Variants in DLG1 observed in about 807,000 individuals in gnomAD.
DLG1 encodes discs large MAGUK scaffold protein 1.
A neutral mutation model predicts 123.4 loss-of-function variants in DLG1; 42 were observed. The ratio of observed to expected loss-of-function variants is 0.34; its 90% CI spans 0.27 to 0.44. The LOEUF is 0.44. Ranked by LOEUF, DLG1 falls within the 20% of genes least tolerant of loss-of-function variation. The probability of loss-of-function intolerance (pLI) is 1.00; values close to 1 mark genes in which losing one functional copy is unlikely to be tolerated. For missense variants in DLG1, 942 were observed against 1,082.6 expected, an observed-to-expected ratio of 0.87 and a Z score of 1.82; for synonymous variants, 317 against 356.2, an observed-to-expected ratio of 0.89 and a Z score of 1.24.
intron 4 of DLG1, among the ~76,000 whole-genome samples, chr3:197,199,008 C>T (rs1032413274): frequency 2.0e-5 from 3 of 152,088 alleles, no homozygotes; most frequent in South Asian, 2.1e-4. Context: ...CACAACTCTG[C>T]GCACATAACC....
At chr3:197,055,134 T>C (rs1234895024) in intron 23 of DLG1, among the ~76,000 whole-genome samples, 2 of 152,112 alleles carry the variant, frequency 1.3e-5, no homozygotes, top group African/African-American at 2.4e-5. Context: ...TTACCTTTTA[T>C]AGAGGCAAGG....
intron 6 of DLG1, among the ~76,000 whole-genome samples, chr3:197,145,130 T>G (rs1210392770): frequency 6.6e-6 from 1 of 152,054 alleles, no homozygotes; most frequent in Non-Finnish European, 1.5e-5. Context: ...AGAGCTGTGT[T>G]GATCATGTCT....
chr3:197,225,383 T>C lies in DLG1; in HGVS notation c.319-30794A>G, dbSNP rs73210550. Among the ~76,000 whole-genome samples the C allele has an allele frequency of 4.6e-5, 7 of 152,268 alleles. No homozygotes were observed. The South Asian group carries it at 1.2e-3, about 27-fold the overall frequency. ...TTATAGGAAATGAGTAGTAAAGTCATGGTTCTTTTGGTGTTTATTTTGTTC... is the reference window on the plus strand; with the variant it reads ...TTATAGGAAATGAGTAGTAAAGTCACGGTTCTTTTGGTGTTTATTTTGTTC... On this transcript the variant is annotated intron_variant, in intron 4 of 24. Transcript: ENST00000667157.
chr3:197,116,975 GA>G (rs1219177033), intron 12 of DLG1, among the ~76,000 whole-genome samples: 1 of 152,070 alleles, frequency 6.6e-6, no homozygotes, highest in Admixed American at 6.6e-5. Flanking sequence ...GTATGAATTA[GA>G]ATTTTATATT....
chr3:197,161,843 C>A, intron 5 of DLG1: 1 of 676,038 alleles, frequency 1.5e-6, no homozygotes, highest in East Asian at 3.2e-5. Flanking sequence ...TCAGAAATAA[C>A]TATGCAACAG....
At chr3:197,141,136 A>T (rs3821713) in intron 7 of DLG1, among the ~76,000 whole-genome samples, 1 of 152,128 alleles carries the variant, frequency 6.6e-6, no homozygotes, top group African/African-American at 2.4e-5. Context: ...TTTAACTGTT[A>T]GTATTAAACA....
At position 197,107,272 on chromosome 3, in the gene DLG1, T is replaced by C. The variant is rs188542104; in HGVS notation, c.1444-2267A>G. ...TAAAAATGGATATACTGGCCAGGTGTGGTGGCTCACGCCTGTAATCCCAGC... is the reference window on the plus strand; with the variant it reads ...TAAAAATGGATATACTGGCCAGGTGCGGTGGCTCACGCCTGTAATCCCAGC... On this transcript the variant is annotated intron_variant, in intron 13 of 24. Coordinates refer to ENST00000667157, the MANE Select transcript of DLG1 (RefSeq NM_001366207.1). Among the ~76,000 whole-genome samples, 261 of 152,126 alleles carry C rather than the reference T, an allele frequency of 1.7e-3. 1 individual carries two copies. The highest frequency in any genetic ancestry group is 2.5e-3 in the Admixed American group (38 of 15,274).
At chr3:197,055,472 C>T (rs546785179) in intron 23 of DLG1, among the ~76,000 whole-genome samples, 3 of 152,226 alleles carry the variant, frequency 2.0e-5, no homozygotes, top group East Asian at 1.9e-4. Context: ...CTCTGGAGAA[C>T]GAATTCTCTT....
chr3:197,136,404 G>C (rs1785077758), intron 10 of DLG1, 138 bp downstream of exon 10: 1 of 610,274 alleles, frequency 1.6e-6, no homozygotes, highest in Admixed American at 3.4e-5. Context: ...TCATTTTTTA[G>C]GATTTGATAC....
At chr3:197,191,220 T>G (rs1388874533) in intron 5 of DLG1, among the ~76,000 whole-genome samples, 4 of 152,222 alleles carry the variant, frequency 2.6e-5, no homozygotes, top group Admixed American at 6.5e-5. Flanking sequence ...AATACACCCT[T>G]GCATAAGGGA....
intron 10 of DLG1, chr3:197,136,279 A>T: frequency 3.1e-6 from 1 of 322,756 alleles, no homozygotes; most frequent in Non-Finnish European, 5.7e-6. Context: ...AAACCTAAGG[A>T]TTATGATGAA....
intron 3 of DLG1, among the ~76,000 whole-genome samples, chr3:197,295,618 T>C (rs952674060): frequency 6.6e-6 from 1 of 152,128 alleles, no homozygotes; most frequent in Non-Finnish European, 1.5e-5. Flanking sequence ...ATACACAAAA[T>C]ATGAGATGAT....
At chr3:197,132,983 T>C (rs1783418762) in intron 10 of DLG1, among the ~76,000 whole-genome samples, 1 of 139,474 alleles carries the variant, frequency 7.2e-6, no homozygotes, top group African/African-American at 2.7e-5. Context: ...ATTAAATAGC[T>C]GTGGTATACT....
At chr3:197,233,102 G>A (rs1417928209) in intron 4 of DLG1, among the ~76,000 whole-genome samples, 1 of 151,814 alleles carries the variant, frequency 6.6e-6, no homozygotes, top group East Asian at 1.9e-4. Context: ...TAAAACTGCA[G>A]GATACAAGAG....
At chr3:197,219,201 C>T (rs1007609403) in intron 4 of DLG1, among the ~76,000 whole-genome samples, 1 of 152,082 alleles carries the variant, frequency 6.6e-6, no homozygotes, top group Non-Finnish European at 1.5e-5. Context: ...TCTTACCTAT[C>T]CTCTATTCTC....
Position 197,142,750 on chromosome 3 carries a change from C to G in DLG1, c.556G>C (p.Asp186His). Residue 186 changes from aspartate to histidine, a missense_variant, in exon 7 of 25, where the codon GAT (aspartate) becomes CAT (histidine). Asp to His is a moderately conservative substitution (Grantham distance 81). Transcript: ENST00000667157. ...TPTYVNGTDADYEYEEITLER... is the reference protein window; with the variant it reads ...TPTYVNGTDAHYEYEEITLER... ...AGTGTGATTTCTTCATATTCATAATCTGCATCTGTGCCATTAACCTACAGG... is the reference window on the plus strand; with the variant it reads ...AGTGTGATTTCTTCATATTCATAATGTGCATCTGTGCCATTAACCTACAGG... 1 of 1,609,062 alleles carries G rather than the reference C, an allele frequency of 6.2e-7. No homozygotes were observed. The highest frequency in any genetic ancestry group is 1.3e-5 in the African/African-American group (1 of 74,840).
intron 4 of DLG1, among the ~76,000 whole-genome samples, chr3:197,250,420 T>G (rs1380659147): frequency 6.6e-6 from 1 of 151,518 alleles, no homozygotes; most frequent in African/African-American, 2.4e-5. Flanking sequence ...ATACAAAAAA[T>G]TAGCTGGGCG....
At chr3:197,128,129 T>C (rs902590371) in intron 11 of DLG1, among the ~76,000 whole-genome samples, 4 of 152,216 alleles carry the variant, frequency 2.6e-5, no homozygotes, top group African/African-American at 7.2e-5. Flanking sequence ...AAGCATGTGA[T>C]GCTGGTTTGT....
intron 12 of DLG1, 39 bp from the exon 13 acceptor site, chr3:197,116,122 T>C (rs768520188): frequency 1.9e-6 from 3 of 1,544,682 alleles, no homozygotes; most frequent in South Asian, 2.4e-5. Flanking sequence ...GGAAATTTTA[T>C]ATAAAACCTG....
Sources: allele counts gnomAD v4.1 joint callset (sites outside exome capture counted in the v4.1 genomes callset), GRCh38; gene constraint gnomAD v4.1.1; transcripts MANE v1.5; gene names NCBI Gene and HGNC (gene_info 2026-07-23, HGNC 2026-07-21).